Variants in PRDM2 observed in about 807,000 individuals in gnomAD.
The protein encoded by PRDM2 is PR domain zinc finger protein 2.
Under a neutral mutation model 130.0 loss-of-function variants are expected in PRDM2, and 30 were observed. The observed-to-expected ratio is 0.23, with a 90% CI of 0.17 to 0.31. PRDM2 has a LOEUF of 0.31. Ranked by LOEUF, PRDM2 falls within the 10% of genes least tolerant of loss-of-function variation. The pLI, the probability that PRDM2 is intolerant of heterozygous loss-of-function variation, is 1.00. For missense variants in PRDM2, 2,011 were observed against 2,108.4 expected, an observed-to-expected ratio of 0.95 and a Z score of 0.90; for synonymous variants, 871 against 782.4, an observed-to-expected ratio of 1.11 and a Z score of -1.89.
rs1643150483 is a variant in PRDM2, at chr1:13,732,792, T to C, written c.141T>C (p.Thr47=). 1 of 1,602,762 alleles carries C rather than the reference T, an allele frequency of 6.2e-7. No individual in the cohort carries two copies. Among genetic ancestry groups the C allele is most frequent in the African/African-American group, 1.3e-5 (1 of 74,368 alleles). Residue 47 remains threonine (T), a synonymous_variant, in exon 4 of 10, where the codon ACT becomes ACC. Transcript: ENST00000311066. ...VDKTRIGVWA[T]KPILKGKKFG... ...TTTATTTTCTAGGTGTCTGGGCCAC[T>C]AAACCAATTTTAAAAGGCAAAAAAT... is the stretch of plus-strand genomic sequence containing the variant.
chr1:13,780,929 C>T lies in PRDM2; in HGVS notation c.3134C>T (p.Ser1045Leu). The T allele has an allele frequency of 6.2e-7, 1 of 1,612,898 alleles. No homozygotes were observed. Among genetic ancestry groups the T allele is most frequent in the Non-Finnish European group, 8.5e-7 (1 of 1,179,016 alleles). ...GTGGAGCCCCTGATGTCTGCCGCCT[C>T]ACCCGGGCCTCCAACACTTTCTTCT... is the stretch of plus-strand genomic sequence containing the variant. Reference protein sequence around the residue: ...PPVEPLMSAASPGPPTLSSSS... With the variant: ...PPVEPLMSAALPGPPTLSSSS... Residue 1045 changes from serine to leucine, a missense_variant, in exon 8 of 10, where the codon TCA becomes TTA. Coordinates refer to ENST00000311066, the MANE Select transcript of PRDM2 (RefSeq NM_001393986.1).
At chr1:13,720,222 C>T (rs941831090) in intron 2 of PRDM2, among the ~76,000 whole-genome samples, 1 of 152,120 alleles carries the variant, frequency 6.6e-6, no homozygotes, top group African/African-American at 2.4e-5. Flanking sequence ...AAAATAAAAA[C>T]ATTAGTATGT....
chr1:13,722,937 C>A, intron 2 of PRDM2: 1 of 464,588 alleles, frequency 2.2e-6, no homozygotes. Flanking sequence ...AAGCCTCACC[C>A]CATCTCGTCA....
intron 5 of PRDM2, among the ~76,000 whole-genome samples, chr1:13,742,544 A>G (rs1264854982): frequency 6.6e-6 from 1 of 152,190 alleles, no homozygotes; most frequent in Non-Finnish European, 1.5e-5. Context: ...GTGACTGACA[A>G]TGACTTTGCA....
intron 8 of PRDM2, among the ~76,000 whole-genome samples, chr1:13,799,031 TAGTC>T (rs141866081): frequency 1.8e-3 from 269 of 152,292 alleles, no homozygotes; most frequent in African/African-American, 6.0e-3. Context: ...TAATGTGACT[TAGTC>T]AGCTGGATCA....
chr1:13,708,786 G>A (rs774034316), intron 1 of PRDM2, among the ~76,000 whole-genome samples: 47 of 152,138 alleles, frequency 3.1e-4, no homozygotes, highest in Non-Finnish European at 5.9e-4. Context: ...CCTTCGGTGG[G>A]TGAGAGGCGT....
chr1:13,761,336 A>AT (rs985828370), intron 6 of PRDM2, among the ~76,000 whole-genome samples: 27 of 151,822 alleles, frequency 1.8e-4, no homozygotes, highest in African/African-American at 5.8e-4. Flanking sequence ...TATATGACAA[A>AT]TTTTTTTTTA....
Position 13,778,528 on chromosome 1 carries a change from G to A in PRDM2, c.733G>A (p.Ala245Thr), listed in dbSNP as rs1173433444. 1 of 1,614,186 alleles carries A rather than the reference G, an allele frequency of 6.2e-7. No homozygotes were observed. The highest frequency in any genetic ancestry group is 2.2e-5 in the East Asian group (1 of 44,882). Residue 245 changes from alanine (A) to threonine (T), a missense_variant, in exon 8 of 10, where the codon GCC becomes ACC. Ala to Thr is a moderately conservative substitution (Grantham distance 58). Coordinates refer to ENST00000311066, the MANE Select transcript of PRDM2 (RefSeq NM_001393986.1). ...VPPELATPAP[A>T]WEPQPEPDER... The stretch of plus-strand genomic sequence containing the variant: ...TCCAGAACTAGCAACCCCTGCCCCT[G>A]CCTGGGAGCCACAGCCAGAACCAGA...
intron 8 of PRDM2, among the ~76,000 whole-genome samples, chr1:13,792,332 T>C (rs916797092): frequency 5.3e-5 from 8 of 152,222 alleles, no homozygotes; most frequent in African/African-American, 1.7e-4. Context: ...GAGACAGTTA[T>C]GGGTATTTTA....
intron 6 of PRDM2, among the ~76,000 whole-genome samples, chr1:13,753,851 T>A (rs1241928383): frequency 6.6e-6 from 1 of 152,232 alleles, no homozygotes; most frequent in South Asian, 2.1e-4. Flanking sequence ...TGGTCTTCCC[T>A]TCTGTTACTT....
chr1:13,763,564 T>A (rs1252469541), intron 6 of PRDM2, among the ~76,000 whole-genome samples: 2 of 152,214 alleles, frequency 1.3e-5, no homozygotes, highest in African/African-American at 4.8e-5. Context: ...TGAGCAGTAC[T>A]TTTTGCCATC....
Position 13,778,481 on chromosome 1 carries a change from A to T in PRDM2, c.686A>T (p.Glu229Val), listed in dbSNP as rs767849543. ...SALEQPATLQ[E>V]VASQEVPPEL... Reference sequence around the variant, plus strand: ...CTTGAGCAGCCGGCCACCCTCCAGGAGGTGGCCAGTCAGGAGGTGCCTCCA... The same window carrying T: ...CTTGAGCAGCCGGCCACCCTCCAGGTGGTGGCCAGTCAGGAGGTGCCTCCA... The change falls in exon 8 of 10, where the codon GAG becomes GTG. Residue 229 changes from glutamate (E) to valine (V), a missense_variant. Physicochemically the swap from Glu to Val is moderately radical, Grantham distance 121. Transcript: ENST00000311066. 3.7e-6 allele frequency: 6 copies of T among 1,614,140 alleles called. No homozygotes were observed. In the Admixed American group the frequency reaches 1.0e-4, roughly 27 times the overall value.
chr1:13,780,715 C>T lies in PRDM2; in HGVS notation c.2920C>T (p.Pro974Ser). 2 of 1,599,464 alleles carry T rather than the reference C, an allele frequency of 1.3e-6. No homozygotes were observed. Among genetic ancestry groups the T allele is most frequent in the Non-Finnish European group, 1.7e-6 (2 of 1,171,326 alleles). ...GATCCCCACAGATCCCTCTTCCCCT[C>T]CACCCTGTCCCCCGGTATTAACTGT... is the stretch of plus-strand genomic sequence containing the variant. ...LLIPTDPSSPPPCPPVLTVAT... is the reference protein window; with the variant it reads ...LLIPTDPSSPSPCPPVLTVAT... The change falls in exon 8 of 10, where the codon CCA becomes TCA. Residue 974 changes from proline to serine, a missense_variant. Pro to Ser is a moderately conservative substitution (Grantham distance 74). Transcript: ENST00000311066.
At chr1:13,752,524 TA>T (rs1643869051) in intron 6 of PRDM2, among the ~76,000 whole-genome samples, 1 of 152,210 alleles carries the variant, frequency 6.6e-6, no homozygotes, top group Non-Finnish European at 1.5e-5. Flanking sequence ...CGGTCAAATT[TA>T]GAAGTATTTC....
chr1:13,796,443 ATGG>A (rs1468782861), intron 8 of PRDM2, among the ~76,000 whole-genome samples: 6 of 152,198 alleles, frequency 3.9e-5, no homozygotes, highest in Non-Finnish European at 8.8e-5. Flanking sequence ...ATTTGTGGAC[ATGG>A]TTTGCTCACT....
At chr1:13,776,371 T>C in intron 7 of PRDM2, among the ~76,000 whole-genome samples, 1 of 152,112 alleles carries the variant, frequency 6.6e-6, no homozygotes, top group South Asian at 2.1e-4. Context: ...GTGCCTGCAG[T>C]AGAGGGGTCC....
chr1:13,732,174 C>G (rs1346028536), intron 3 of PRDM2, among the ~76,000 whole-genome samples: 1 of 152,098 alleles, frequency 6.6e-6, no homozygotes, highest in African/African-American at 2.4e-5. Flanking sequence ...ATAGAAACAA[C>G]CCTAAGAATA....
intron 9 of PRDM2, among the ~76,000 whole-genome samples, chr1:13,821,300 A>G (rs1292955065): frequency 1.3e-5 from 2 of 152,084 alleles, no homozygotes; most frequent in Non-Finnish European, 1.5e-5. Context: ...TTATTGAAAT[A>G]TTACATTATT....
chr1:13,799,913 G>A (rs541238101), intron 8 of PRDM2, among the ~76,000 whole-genome samples: 51 of 152,296 alleles, frequency 3.3e-4, no homozygotes, highest in African/African-American at 1.2e-3. Flanking sequence ...CCGGGACCAG[G>A]GCAGAGATGG....
Sources: allele counts gnomAD v4.1 joint callset (sites outside exome capture counted in the v4.1 genomes callset), GRCh38; gene constraint gnomAD v4.1.1; transcripts MANE v1.5; gene names NCBI Gene and HGNC (gene_info 2026-07-23, HGNC 2026-07-21).